The following KAZN variants were observed in gnomAD, a reference collection of about 807,000 sequenced individuals.
KAZN encodes the protein kazrin.
KAZN carries 40 observed loss-of-function variants against 87.4 expected under a neutral mutation model. The ratio of observed to expected loss-of-function variants is 0.46; its 90% CI spans 0.36 to 0.60. The LOEUF (loss-of-function observed/expected upper bound fraction) is 0.60. KAZN is among the 20% of genes least tolerant of loss of function. The pLI, the probability that KAZN is intolerant of heterozygous loss-of-function variation, is 0.00. For synonymous variants in KAZN, 466 were observed against 458.3 expected (o/e 1.02, Z -0.22); for missense variants, 898 against 1,073.9 (o/e 0.84, Z 2.29).
intron 2 of KAZN, among the ~76,000 whole-genome samples, chr1:14,434,959 C>A (rs1383276450): frequency 6.6e-6 from 1 of 152,134 alleles, no homozygotes; most frequent in Non-Finnish European, 1.5e-5. Context: ...GAGGTCTCAT[C>A]CTATCCTGAG....
At chr1:14,985,245 T>TGGGAGGCCAAGGTGGGAGGCCAA (rs1666674449) in intron 2 of KAZN, among the ~76,000 whole-genome samples, 14 of 142,448 alleles carry the variant, frequency 9.8e-5, no homozygotes, top group African/African-American at 3.8e-4. Flanking sequence ...CCCAGAACTT[T>TGGGAGGCCAAGGTGGGAGGCCAA]GGTGGGAGGC....
intron 2 of KAZN, among the ~76,000 whole-genome samples, chr1:14,484,450 C>G (rs1225734903): frequency 6.6e-6 from 1 of 152,110 alleles, no homozygotes; most frequent in Non-Finnish European, 1.5e-5. Context: ...GGTTGTATAC[C>G]ATGAATATGT....
intron 1 of KAZN, among the ~76,000 whole-genome samples, chr1:13,973,601 T>C (rs1412538563): frequency 6.6e-6 from 1 of 152,244 alleles, no homozygotes; most frequent in East Asian, 1.9e-4. Flanking sequence ...TTTCCAGTGT[T>C]TGTAGCCCAA....
intron 2 of KAZN, among the ~76,000 whole-genome samples, chr1:15,020,958 A>T (rs1479103741): frequency 6.6e-6 from 1 of 152,054 alleles, no homozygotes; most frequent in Non-Finnish European, 1.5e-5. Flanking sequence ...CCTCTCTTGT[A>T]AACTTTTCTG....
intron 1 of KAZN, among the ~76,000 whole-genome samples, chr1:14,912,489 T>C (rs1471008747): frequency 1.3e-5 from 2 of 152,136 alleles, no homozygotes; most frequent in Non-Finnish European, 2.9e-5. Flanking sequence ...AATACCTCCC[T>C]CCCACCTCAG....
intron 1 of KAZN, among the ~76,000 whole-genome samples, chr1:14,674,011 G>C (rs1419785069): frequency 6.6e-6 from 1 of 152,154 alleles, no homozygotes; most frequent in East Asian, 1.9e-4. Context: ...TTGTAAGCAC[G>C]TTGAAATTCA....
intron 2 of KAZN, among the ~76,000 whole-genome samples, chr1:14,405,956 G>A (rs1663816189): frequency 1.3e-5 from 2 of 152,126 alleles, no homozygotes; most frequent in African/African-American, 2.4e-5. Context: ...TCAGTCTACT[G>A]ATTTAAATGT....
rs140178139 is a variant in KAZN at position 14,348,025 on chromosome 1, C to T, written c.249+167433C>T. Among the ~76,000 whole-genome samples, 30 of 148,262 alleles carry T rather than the reference C, an allele frequency of 2.0e-4. No homozygotes were observed. The East Asian group carries it at 6.0e-3, about 29-fold the overall frequency. ...CTCAGCCTCCTGAGAGCTGGGACTA[C>T]AGGTGGGTGTCACCACACCTGGCTA... is the stretch of plus-strand genomic sequence containing the variant. On this transcript the variant is annotated intron_variant, in intron 2 of 16. Coordinates refer to the KAZN transcript ENST00000636203.
chr1:14,762,846 C>T (rs116446067), intron 1 of KAZN, among the ~76,000 whole-genome samples: 2,032 of 150,858 alleles, frequency 0.013, 17 homozygotes, highest in Non-Finnish European at 0.022. Context: ...GCACTTTGTT[C>T]AGTGCTGATG....
intron 1 of KAZN, among the ~76,000 whole-genome samples, chr1:14,130,669 C>T (rs1296195906): frequency 6.6e-6 from 1 of 152,106 alleles, no homozygotes; most frequent in African/African-American, 2.4e-5. Flanking sequence ...GTGAATCCTT[C>T]TTGCTGCCTC....
At chr1:14,830,730 G>C (rs1647028368) in intron 1 of KAZN, among the ~76,000 whole-genome samples, 1 of 152,142 alleles carries the variant, frequency 6.6e-6, no homozygotes, top group South Asian at 2.1e-4. Context: ...TCTCAAGACA[G>C]CACCAGGGGG....
At chr1:14,160,215 A>G (rs1645680817) in intron 1 of KAZN, among the ~76,000 whole-genome samples, 1 of 152,210 alleles carries the variant, frequency 6.6e-6, no homozygotes, top group Admixed American at 6.5e-5. Flanking sequence ...AGCCTGCAAT[A>G]GCAAGGCTTT....
At chr1:14,517,937 T>C (rs1318857904) in intron 2 of KAZN, among the ~76,000 whole-genome samples, 1 of 152,078 alleles carries the variant, frequency 6.6e-6, no homozygotes, top group Non-Finnish European at 1.5e-5. Flanking sequence ...GAGAAGGAAA[T>C]AGAGTACAGG....
At chr1:14,620,924 A>T (rs924665010) in intron 1 of KAZN, among the ~76,000 whole-genome samples, 11 of 152,134 alleles carry the variant, frequency 7.2e-5, no homozygotes, top group African/African-American at 2.7e-4. Flanking sequence ...CATCATCTTC[A>T]GTGTGCCCAT....
intron 1 of KAZN, among the ~76,000 whole-genome samples, chr1:14,853,581 C>T (rs1309438393): frequency 6.6e-6 from 1 of 152,164 alleles, no homozygotes; most frequent in Non-Finnish European, 1.5e-5. Context: ...TGTCCTGCCT[C>T]TCAGTGGGAG....
intron 2 of KAZN, among the ~76,000 whole-genome samples, chr1:14,465,058 C>T (rs1464233576): frequency 6.6e-6 from 1 of 152,086 alleles, no homozygotes; most frequent in Non-Finnish European, 1.5e-5. Context: ...CTGCAGAGGT[C>T]ATTTGCTGCT....
Position 14,939,452 on chromosome 1 carries a change from G to A in KAZN, c.227-21232G>A, listed in dbSNP as rs1277546082. Among the ~76,000 whole-genome samples the A allele has an allele frequency of 3.3e-5, 5 of 150,914 alleles. No homozygotes were observed. The South Asian group carries it at 8.5e-4, about 26-fold the overall frequency. On this transcript the variant is annotated intron_variant, in intron 1 of 14. Coordinates refer to ENST00000376030, the MANE Select transcript of KAZN (RefSeq NM_201628.3). Reference sequence around the variant, plus strand: ...GCCTGGCTAATTTTTAAAACATTTTGTTTGTAGAGACAGGGTCTCACTTGT... The same window carrying A: ...GCCTGGCTAATTTTTAAAACATTTTATTTGTAGAGACAGGGTCTCACTTGT...
intron 1 of KAZN, among the ~76,000 whole-genome samples, chr1:14,916,395 C>T (rs554423603): frequency 2.6e-5 from 4 of 152,204 alleles, no homozygotes; most frequent in Admixed American, 6.5e-5. Context: ...ATCTTGACCT[C>T]GGGTGATCCT....
At chr1:14,156,765 T>C (rs779418307) in intron 1 of KAZN, among the ~76,000 whole-genome samples, 6 of 152,166 alleles carry the variant, frequency 3.9e-5, no homozygotes, top group Admixed American at 6.5e-5. Flanking sequence ...CAACAAATCA[T>C]TGGGTCTTGT....
Sources: gnomAD v4.1 joint callset for allele counts (sites outside exome capture counted in the v4.1 genomes callset) on GRCh38, gnomAD v4.1.1 for gene constraint, MANE v1.5 for transcripts, NCBI Gene and HGNC (gene_info 2026-07-23, HGNC 2026-07-21) for gene names.